MED12L: variants seen among roughly 807,000 people sequenced by gnomAD.
The protein encoded by MED12L is mediator of RNA polymerase II transcription subunit 12-like protein.
In MED12L, 60 loss-of-function variants were observed where a neutral mutation model predicts 281.3. The observed-to-expected ratio is 0.21, with a 90% confidence interval of 0.17 to 0.26. The LOEUF (loss-of-function observed/expected upper bound fraction) is 0.26, where lower values mean the gene tolerates loss of function less well. Among genes scored for constraint, MED12L ranks in the 10% least tolerant of loss-of-function variants. MED12L has a pLI of 1.00. For synonymous variants in MED12L, 974 were observed against 987.2 expected (o/e 0.99, Z 0.25); for missense variants, 2,146 against 2,680.9 (o/e 0.80, Z 4.41).
At chr3:151,324,944 T>C (rs1405588957) in intron 16 of MED12L, among the ~76,000 whole-genome samples, 1 of 152,222 alleles carries the variant, frequency 6.6e-6, no homozygotes, top group Non-Finnish European at 1.5e-5. Flanking sequence ...ATACTGACTT[T>C]GGGTTTTTTT....
At chr3:151,307,597 TG>T (rs1746876123) in intron 16 of MED12L, among the ~76,000 whole-genome samples, 1 of 143,374 alleles carries the variant, frequency 7.0e-6, no homozygotes, top group Admixed American at 7.2e-5. Flanking sequence ...TTAGAGCAGA[TG>T]GGGGGTTGAT....
intron 2 of MED12L, among the ~76,000 whole-genome samples, chr3:151,115,562 G>C (rs1201115541): frequency 2.6e-5 from 4 of 151,152 alleles, no homozygotes; most frequent in Non-Finnish European, 5.9e-5. Flanking sequence ...GGCCAGGCTG[G>C]TCTTGAACTC....
Position 151,190,697 on chromosome 3 carries a change from T to C in MED12L, c.1754-20T>C, listed in dbSNP as rs777945792. 3.1e-6 allele frequency: 5 copies of C among 1,610,324 alleles called. No individual in the cohort carries two copies. The highest frequency in any genetic ancestry group is 3.3e-5 in the Admixed American group (2 of 59,964). ...TACCACCTGCTCAAGGAATTCTTGA[T>C]TGAATTTGTTTCTCTATAGCGGACC... On this transcript the variant is annotated intron_variant, in intron 13 of 44. Transcript: ENST00000687756.
rs111866252 is a variant in MED12L, at chr3:151,192,765, A to G, written c.2073+111A>G. ...ATGACTTGCACATTTGTGATATGTA[A>G]TCTTGCCATATTCTTCCTTTGGTAC... On this transcript the variant is annotated intron_variant, in intron 15 of 44. Transcript: ENST00000687756. The G allele has an allele frequency of 6.5e-3, 4,728 of 722,272 alleles. 22 individuals carry two copies. Among genetic ancestry groups the G allele is most frequent in the Non-Finnish European group, 9.6e-3 (4,051 of 422,162 alleles). The allele number at this position is 722,272 out of a possible 1,614,324, so 44.7% of individuals were successfully genotyped here. A position where few individuals can be genotyped will look rare whatever the true frequency, so the allele number is the denominator to read the frequency against.
At chr3:151,267,013 A>G (rs1739968707) in intron 16 of MED12L, among the ~76,000 whole-genome samples, 1 of 152,216 alleles carries the variant, frequency 6.6e-6, no homozygotes, top group Admixed American at 6.5e-5. Flanking sequence ...GTGTTGACAA[A>G]TTACATCTAT....
At chr3:151,327,816 T>C (rs1009231346) in intron 16 of MED12L, 18 of 453,650 alleles carry the variant, frequency 4.0e-5, no homozygotes, top group Admixed American at 2.7e-4. Context: ...TAATGGTTCA[T>C]TCAGCTTATG....
At chr3:151,202,667 AAAAAC>A (rs1259711686) in intron 16 of MED12L, among the ~76,000 whole-genome samples, 4 of 152,240 alleles carry the variant, frequency 2.6e-5, no homozygotes, top group Non-Finnish European at 4.4e-5. Flanking sequence ...GAGACTCCTC[AAAAAC>A]AAAACAAAAC....
At chr3:151,233,615 C>T (rs2149338329) in intron 16 of MED12L, among the ~76,000 whole-genome samples, 1 of 152,300 alleles carries the variant, frequency 6.6e-6, no homozygotes, top group East Asian at 1.9e-4. Flanking sequence ...TGTCTGTAAT[C>T]CCAGCTACTC....
chr3:151,190,339 T>A (rs920313587), intron 13 of MED12L, among the ~76,000 whole-genome samples: 3 of 151,988 alleles, frequency 2.0e-5, no homozygotes, highest in African/African-American at 7.3e-5. Context: ...GCCCAGCTAA[T>A]TTTTGTATTT....
intron 43 of MED12L, chr3:151,425,600 G>T: frequency 2.2e-6 from 1 of 454,766 alleles, no homozygotes; most frequent in Admixed American, 2.4e-5. Context: ...GTTTAATTCA[G>T]CAAACAATGG....
chr3:151,127,314 G>A (rs1206825396), intron 4 of MED12L, among the ~76,000 whole-genome samples: 2 of 152,052 alleles, frequency 1.3e-5, no homozygotes, highest in East Asian at 1.9e-4. Flanking sequence ...TTTAAATTTT[G>A]TACTAATGTC....
intron 16 of MED12L, among the ~76,000 whole-genome samples, chr3:151,322,644 G>T (rs1020876166): frequency 2.0e-5 from 3 of 152,056 alleles, no homozygotes; most frequent in African/African-American, 7.2e-5. Context: ...CATCACTTTT[G>T]ACTAAATTTA....
chr3:151,322,864 C>G (rs1749149515), intron 16 of MED12L, among the ~76,000 whole-genome samples: 1 of 152,070 alleles, frequency 6.6e-6, no homozygotes, highest in African/African-American at 2.4e-5. Flanking sequence ...TCCTTTTTCT[C>G]TCCCTGTCTC....
intron 16 of MED12L, among the ~76,000 whole-genome samples, chr3:151,243,283 T>C (rs1346722496): frequency 1.3e-5 from 2 of 151,584 alleles, no homozygotes; most frequent in South Asian, 4.2e-4. Context: ...AAGATACTCC[T>C]CGAGAAGAGC....
chr3:151,378,677 G>T (rs141007506), intron 31 of MED12L, among the ~76,000 whole-genome samples: 1 of 151,718 alleles, frequency 6.6e-6, no homozygotes, highest in Non-Finnish European at 1.5e-5. Context: ...CCCAAGAAAA[G>T]GTTTCAAGTA....
At chr3:151,284,198 T>G (rs1240169280) in intron 16 of MED12L, among the ~76,000 whole-genome samples, 1 of 152,108 alleles carries the variant, frequency 6.6e-6, no homozygotes, top group Non-Finnish European at 1.5e-5. Flanking sequence ...AAGGAAAGAT[T>G]TGTGGTGTTG....
At position 151,201,217 on chromosome 3, in the gene MED12L, G is replaced by GCA. The variant is rs201839009; in HGVS notation, c.2250+7557_2250+7558dup. Among the ~76,000 whole-genome samples, 236 of 150,970 alleles carry GCA rather than the reference G, an allele frequency of 1.6e-3. 1 individual carries two copies. In the East Asian group the frequency reaches 0.027, roughly 17 times the overall value. On this transcript the variant is annotated intron_variant, in intron 16 of 44. Coordinates refer to ENST00000687756, the MANE Select transcript of MED12L (RefSeq NM_001393769.1). ...TGCTGTTCTATGCATACAACCACGT[G>GCA]CACACACTCTCTCTCTCTCTCTCTC...
rs547124962 is a variant in MED12L, at chr3:151,335,972, G to C, written c.2251-14087G>C. 3.3e-5 allele frequency among the ~76,000 whole-genome samples: 5 copies of C among 152,294 alleles called. 1 individual carries two copies. Among genetic ancestry groups the C allele is most frequent in the Admixed American group, 3.3e-4 (5 of 15,288 alleles). ...CTCAGTGACAAAGATTTTGGGGGTA[G>C]TTTGTGTCCCCTCTGTAGTCTCCGA... is the stretch of plus-strand genomic sequence containing the variant. On this transcript the variant is annotated intron_variant, in intron 16 of 44. Transcript: ENST00000687756.
intron 16 of MED12L, among the ~76,000 whole-genome samples, chr3:151,286,811 CAAT>C (rs1743572636): frequency 6.6e-6 from 1 of 152,048 alleles, no homozygotes; most frequent in African/African-American, 2.4e-5. Context: ...CTGGTTTTGA[CAAT>C]AAATTACATG....
Sources: allele counts gnomAD v4.1 joint callset (sites outside exome capture counted in the v4.1 genomes callset), GRCh38; gene constraint gnomAD v4.1.1; transcripts MANE v1.5; gene names NCBI Gene and HGNC (gene_info 2026-07-23, HGNC 2026-07-21).